SPEG: variants seen among roughly 807,000 people sequenced by gnomAD.
SPEG encodes the protein striated muscle preferentially expressed protein kinase.
In SPEG, 114 loss-of-function variants were observed where a neutral mutation model predicts 300.4. The ratio of observed to expected loss-of-function variants is 0.38; its 90% CI spans 0.33 to 0.44. SPEG has a LOEUF of 0.44. Ranked by LOEUF, SPEG falls within the 20% of genes least tolerant of loss-of-function variation. The pLI, the probability that SPEG is intolerant of heterozygous loss-of-function variation, is 1.00. For synonymous variants in SPEG, 1,964 were observed against 2,018.9 expected (o/e 0.97, Z 0.73); for missense variants, 4,201 against 4,586.2 (o/e 0.92, Z 2.43).
chr2:219,482,181 A>AG (rs745623307), intron 28 of SPEG: 17 of 182,894 alleles, frequency 9.3e-5, no homozygotes, highest in African/African-American at 1.9e-4. Context: ...GGGATTTGGG[A>AG]GGGGGGGTTC....
At chr2:219,436,839 T>C (rs1162270422) in intron 1 of SPEG, among the ~76,000 whole-genome samples, 1 of 152,112 alleles carries the variant, frequency 6.6e-6, no homozygotes, top group East Asian at 1.9e-4. Flanking sequence ...GTGGACTCCT[T>C]GGGGATCTCA....
At chr2:219,465,661 C>T (rs914635401) in intron 9 of SPEG, 2 of 304,262 alleles carry the variant, frequency 6.6e-6, no homozygotes, top group African/African-American at 4.4e-5. Context: ...CCAGGAACCC[C>T]GAGGAACCAG....
Position 219,483,936 on chromosome 2 carries a change from C to T in SPEG, c.6473C>T (p.Ala2158Val). Residue 2158 changes from alanine (A) to valine (V), a missense_variant, in exon 30 of 41, where the codon GCC becomes GTC. Around this residue, in one of 4 missense-constraint regions of SPEG, gnomAD observed 1,578 missense variants for 1,506.0 expected, o/e 1.05. Coordinates refer to ENST00000312358, the MANE Select transcript of SPEG (RefSeq NM_005876.5). ...GAGATCCCCGTGGCCAGGCTTGGGG[C>T]CCGTAGGCTACAGGAGTCTCCTTCC... ...PLEIPVARLG[A>V]RRLQESPSLS... 6.2e-7 allele frequency: 1 copy of T among 1,605,388 alleles called. No homozygotes were observed. Among genetic ancestry groups the T allele is most frequent in the Non-Finnish European group, 8.5e-7 (1 of 1,179,776 alleles).
chr2:219,454,273 A>G (rs1403367531), intron 6 of SPEG, among the ~76,000 whole-genome samples: 1 of 152,196 alleles, frequency 6.6e-6, no homozygotes, highest in South Asian at 2.1e-4. Flanking sequence ...CTGTGCGGAA[A>G]GGAGCTGGTC....
In SPEG at chr2:219,484,871, C is replaced by A. The variant is rs537426355; in HGVS notation, c.7408C>A (p.Arg2470Ser). 7.1e-5 allele frequency: 108 copies of A among 1,524,646 alleles called. No individual in the cohort carries two copies. In the African/African-American group the frequency reaches 1.2e-3, roughly 17 times the overall value. 94.4% of individuals were successfully genotyped at this position (1,524,646 alleles called of 1,614,324 possible). Residue 2470 changes from arginine to serine, a missense_variant, in exon 30 of 41, where the codon CGC becomes AGC. Physicochemically the swap from Arg to Ser is moderately radical, Grantham distance 110. This residue lies in a region of SPEG where 1,578 missense variants were observed against 1,506.0 expected (regional missense o/e 1.05). Transcript: ENST00000312358. ...GGAGCGGCTGTCCAGCCGATTGCAGCGCAGTGGCAGCAGCGAGGACTCGGG... is the reference window on the plus strand; with the variant it reads ...GGAGCGGCTGTCCAGCCGATTGCAGAGCAGTGGCAGCAGCGAGGACTCGGG... The part of the protein sequence containing the change: ...TLERLSSRLQ[R>S]SGSSEDSGGA...
Position 219,485,332 on chromosome 2 carries a change from C to A in SPEG, c.7610-14C>A. The A allele has an allele frequency of 6.2e-7, 1 of 1,602,228 alleles. No individual in the cohort carries two copies. Among genetic ancestry groups the A allele is most frequent in the Non-Finnish European group, 8.5e-7 (1 of 1,174,784 alleles). Reference sequence around the variant, plus strand: ...ACTGACTGAACAAATACTCACGGGCCTGAGTCTTCACAGCCCCAGGGGAAA... The same window carrying A: ...ACTGACTGAACAAATACTCACGGGCATGAGTCTTCACAGCCCCAGGGGAAA... On this transcript the variant is annotated splice_polypyrimidine_tract_variant and intron_variant, in intron 30 of 40. Transcript: ENST00000312358.
At chr2:219,449,300 G>A in intron 4 of SPEG, 29 bp downstream of exon 4, 1 of 1,354,486 alleles carries the variant, frequency 7.4e-7, no homozygotes, top group Non-Finnish European at 9.5e-7. Context: ...CTGACAAGGT[G>A]CCTGAACCCC....
chr2:219,446,530 C>A (rs1163696288), intron 3 of SPEG, among the ~76,000 whole-genome samples: 1 of 152,172 alleles, frequency 6.6e-6, no homozygotes, highest in Non-Finnish European at 1.5e-5. Flanking sequence ...ATTGCCACCA[C>A]CCCTTTTAGC....
chr2:219,451,193 T>G lies in SPEG; in HGVS notation c.2171T>G (p.Phe724Cys). Residue 724 changes from phenylalanine to cysteine, a missense_variant, in exon 5 of 41, where the codon TTT (phenylalanine) becomes TGT (cysteine). This residue lies in a region of SPEG where 1,258 missense variants were observed against 1,293.9 expected (regional missense o/e 0.97). Transcript: ENST00000312358. The surrounding 1 kb of genome is among the most constrained non-coding windows in gnomAD (Gnocchi z 6.4). ...AGEEPLEAPV[F>C]EIPLQNVVVA... ...GAAGAGCCCCTAGAGGCCCCTGTGT[T>G]TGAGATCCCCCTGCAGAATGTGGTG... is the stretch of plus-strand genomic sequence containing the variant. 6.2e-7 allele frequency: 1 copy of G among 1,613,848 alleles called. No individual in the cohort carries two copies. The highest frequency in any genetic ancestry group is 8.5e-7 in the Non-Finnish European group (1 of 1,179,952).
chr2:219,440,807 C>G (rs955215029), intron 1 of SPEG, among the ~76,000 whole-genome samples: 2 of 152,302 alleles, frequency 1.3e-5, no homozygotes, highest in South Asian at 4.1e-4. Context: ...ATTAAATGAG[C>G]TCATTCACAT....
At position 219,477,258 on chromosome 2, in the gene SPEG, G is replaced by T. The variant is rs375101862; in HGVS notation, c.4561-19G>T. 6.4e-7 allele frequency: 1 copy of T among 1,573,770 alleles called. No homozygotes were observed. Among genetic ancestry groups the T allele is most frequent in the Non-Finnish European group, 8.6e-7 (1 of 1,159,602 alleles). On this transcript the variant is annotated intron_variant, in intron 19 of 40. Transcript: ENST00000312358. The surrounding 1 kb of genome is among the most constrained non-coding windows in gnomAD (Gnocchi z 6.4). ...AGATGAGGCCAGGCCCAGGCTGAAG[G>T]TGAGACCCCACTCTGCAGGACGAGG... is the stretch of plus-strand genomic sequence containing the variant.
In SPEG at chr2:219,480,202, C is replaced by T. The variant is rs972435319; in HGVS notation, c.5342+62C>T. On this transcript the variant is annotated intron_variant, in intron 25 of 40. Transcript: ENST00000312358. The surrounding 1 kb of genome is among the most constrained non-coding windows in gnomAD (Gnocchi z 5.3). ...GCTGCCCTTGGGGCTGTGCTGGGGA[C>T]GCGCTCACTGGCAGGGAGATTTACC... The T allele has an allele frequency of 5.1e-5, 79 of 1,536,126 alleles. 1 individual carries two copies. Among genetic ancestry groups the T allele is most frequent in the Middle Eastern group, 3.4e-4 (2 of 5,830 alleles).
chr2:219,448,010 C>T lies in SPEG; in HGVS notation c.852C>T (p.Pro284=). 6.2e-7 allele frequency: 1 copy of T among 1,612,482 alleles called. No homozygotes were observed. Among genetic ancestry groups the T allele is most frequent in the Non-Finnish European group, 8.5e-7 (1 of 1,179,892 alleles). ...VPQSGLRREE[P]DLQPQLASEA... is the part of the protein sequence containing the mutation. ...AGAGCGGGTTGCGCAGGGAGGAGCCCGACCTTCAGCCTCAACTGGCCAGCG... is the reference window on the plus strand; with the variant it reads ...AGAGCGGGTTGCGCAGGGAGGAGCCTGACCTTCAGCCTCAACTGGCCAGCG... The change falls in exon 4 of 41, where the codon CCC becomes CCT. Residue 284 remains proline, a synonymous_variant. Coordinates refer to ENST00000312358, the MANE Select transcript of SPEG (RefSeq NM_005876.5).
chr2:219,447,369 C>A (rs1182438960), intron 3 of SPEG, among the ~76,000 whole-genome samples: 1 of 152,156 alleles, frequency 6.6e-6, no homozygotes, highest in African/African-American at 2.4e-5. Context: ...CCCATCAGTG[C>A]TCGGGGTGGC....
Position 219,493,404 on chromosome 2 carries a change from C to T in SPEG, c.*618C>T, listed in dbSNP as rs1479218368. 2 of 376,258 alleles carry T rather than the reference C, an allele frequency of 5.3e-6. No homozygotes were observed. The highest frequency in any genetic ancestry group is 1.1e-5 in the Non-Finnish European group (2 of 186,514). 23.3% of individuals were successfully genotyped at this position (376,258 alleles called of 1,614,324 possible). On this transcript the variant is annotated 3_prime_UTR_variant, in exon 41 of 41. Coordinates refer to ENST00000312358, the MANE Select transcript of SPEG (RefSeq NM_005876.5). ...CAGCAGTCACTCACACTCGCTCTGT[C>T]CTCCTGTCCAGTGGATACAGCCCTG...
chr2:219,476,046 G>A (rs879826724), intron 18 of SPEG, among the ~76,000 whole-genome samples: 4 of 151,722 alleles, frequency 2.6e-5, no homozygotes, highest in Admixed American at 2.0e-4. Flanking sequence ...GGGGGCTGGC[G>A]GGGGACACCT....
rs1427180260 is a variant in SPEG at position 219,477,605 on chromosome 2, C to A, written c.4730-84C>A. Reference sequence around the variant, plus strand: ...CCCAACATTCTTGCACCTCTTCTCTCTTCTTCTTCTGTCCACCTGTCCCAG... The same window carrying A: ...CCCAACATTCTTGCACCTCTTCTCTATTCTTCTTCTGTCCACCTGTCCCAG... On this transcript the variant is annotated intron_variant, in intron 20 of 40. Transcript: ENST00000312358. The surrounding 1 kb of genome is among the most constrained non-coding windows in gnomAD (Gnocchi z 6.4). The A allele has an allele frequency of 7.2e-7, 1 of 1,394,672 alleles. No individual in the cohort carries two copies. The highest frequency in any genetic ancestry group is 2.3e-5 in the East Asian group (1 of 42,894). 86.4% of individuals were successfully genotyped at this position (1,394,672 alleles called of 1,614,324 possible).
At chr2:219,470,322 T>C (rs1295399545) in intron 13 of SPEG, among the ~76,000 whole-genome samples, 4 of 152,118 alleles carry the variant, frequency 2.6e-5, no homozygotes, top group Non-Finnish European at 4.4e-5. Flanking sequence ...AACCAGGATG[T>C]CCCTGTCACC....
At chr2:219,449,317 G>C in intron 4 of SPEG, 46 bp downstream of exon 4, 1 of 1,340,848 alleles carries the variant, frequency 7.5e-7, no homozygotes, top group Non-Finnish European at 9.6e-7. Flanking sequence ...CCCCCGTCGG[G>C]GGGCGTTTGT....
Sources: allele counts gnomAD v4.1 joint callset (sites outside exome capture counted in the v4.1 genomes callset), GRCh38; gene constraint gnomAD v4.1.1; regional missense constraint gnomAD v4.1.1; non-coding constraint Gnocchi (gnomAD v3.1); transcripts MANE v1.5; gene names NCBI Gene and HGNC (gene_info 2026-07-23, HGNC 2026-07-21).